The following MTAP variants were observed in gnomAD, a reference collection of about 807,000 sequenced individuals.
MTAP encodes the protein methylthioadenosine phosphorylase.
A neutral mutation model predicts 33.6 loss-of-function variants in MTAP; 33 were observed. The observed-to-expected ratio is 0.98, with a 90% confidence interval of 0.74 to 1.31. MTAP has a LOEUF of 1.31. Among genes scored for constraint, MTAP ranks in the 40% most tolerant of loss-of-function variants. MTAP has a pLI of 0.00. For missense variants in MTAP, 367 were observed against 360.0 expected, an observed-to-expected ratio of 1.02 and a Z score of -0.16; for synonymous variants, 148 against 125.7, an observed-to-expected ratio of 1.18 and a Z score of -1.19.
At chr9:21,882,637 TTAAG>T (rs762973849) in intron 1 of MTAP, among the ~76,000 whole-genome samples, 7 of 152,008 alleles carry the variant, frequency 4.6e-5, no homozygotes, top group South Asian at 2.1e-4. Context: ...TCAAACTTGA[TTAAG>T]TAAACGTTTT....
intron 1 of MTAP, among the ~76,000 whole-genome samples, chr9:21,884,386 A>G (rs931782977): frequency 1.3e-5 from 2 of 152,194 alleles, no homozygotes; most frequent in East Asian, 1.9e-4. Context: ...AAAATCAACA[A>G]AGTAGAGCTT....
intron 1 of MTAP, among the ~76,000 whole-genome samples, chr9:21,884,386 A>C (rs931782977): frequency 6.6e-6 from 1 of 152,194 alleles, no homozygotes; most frequent in Admixed American, 6.5e-5. Context: ...AAAATCAACA[A>C]AGTAGAGCTT....
intron 5 of MTAP, among the ~76,000 whole-genome samples, chr9:21,852,990 T>C (rs1320404636): frequency 1.3e-5 from 2 of 152,200 alleles, no homozygotes; most frequent in East Asian, 1.9e-4. Flanking sequence ...CATCTTAAAC[T>C]CAGACCTGGA....
At chr9:21,837,756 G>A (rs755339446) in intron 4 of MTAP, 152 bp from the exon 5 acceptor site, 40 of 624,418 alleles carry the variant, frequency 6.4e-5, no homozygotes, top group Non-Finnish European at 9.9e-5. Flanking sequence ...TGAAGCTTTT[G>A]TAAACAATTG....
rs766158713 is a variant in MTAP, at chr9:21,854,798, G to A, written c.618G>A (p.Lys206=). 1.2e-6 allele frequency: 2 copies of A among 1,614,150 alleles called. No individual in the cohort carries two copies. The highest frequency in any genetic ancestry group is 1.7e-6 in the Non-Finnish European group (2 of 1,180,004). Residue 206 remains lysine, a synonymous_variant, in exon 6 of 8, where the codon AAG becomes AAA. Coordinates refer to ENST00000644715, the MANE Select transcript of MTAP (RefSeq NM_002451.4). Reference sequence around the variant, plus strand: ...CAGTTCCAGAGGTGGTTCTTGCTAAGGAGGCTGGAATTTGTTACGCAAGTA... The same window carrying A: ...CAGTTCCAGAGGTGGTTCTTGCTAAAGAGGCTGGAATTTGTTACGCAAGTA... ...MTTVPEVVLA[K]EAGICYASIA... is the part of the protein sequence containing the mutation.
chr9:21,860,281 C>T (rs1420996080), intron 7 of MTAP: 2 of 152,190 alleles, frequency 1.3e-5, no homozygotes, highest in African/African-American at 4.8e-5. Context: ...TGCTAATTTA[C>T]GTGGTACAAG....
chr9:21,814,955 T>C (rs1338441464), intron 1 of MTAP, among the ~76,000 whole-genome samples: 2 of 152,210 alleles, frequency 1.3e-5, no homozygotes, highest in African/African-American at 2.4e-5. Flanking sequence ...CTTTATCAAA[T>C]AGAACAGTGA....
intron 1 of MTAP, chr9:21,812,487 A>G (rs1386646534): frequency 6.6e-6 from 1 of 152,466 alleles, no homozygotes; most frequent in Admixed American, 6.5e-5. Flanking sequence ...TGTAATAAAG[A>G]AGTCCTGGCT....
At chr9:21,912,759 C>T (rs1304221874) in intron 1 of MTAP, among the ~76,000 whole-genome samples, 1 of 152,196 alleles carries the variant, frequency 6.6e-6, no homozygotes, top group Non-Finnish European at 1.5e-5. Context: ...TCCTATTCAA[C>T]ATAGTGTTGG....
chr9:21,844,602 C>T (rs182623133), intron 5 of MTAP, among the ~76,000 whole-genome samples: 1 of 152,252 alleles, frequency 6.6e-6, no homozygotes, highest in East Asian at 1.9e-4. Context: ...TGTGATACAT[C>T]ACATAAACAT....
chr9:21,920,131 G>A (rs901694058), intron 1 of MTAP, among the ~76,000 whole-genome samples: 7 of 152,136 alleles, frequency 4.6e-5, no homozygotes, highest in Non-Finnish European at 5.9e-5. Flanking sequence ...AGGAGACTAA[G>A]CTCAAGAGCG....
chr9:21,890,784 C>G (rs953410710), intron 1 of MTAP, among the ~76,000 whole-genome samples: 1 of 152,118 alleles, frequency 6.6e-6, no homozygotes, highest in Admixed American at 6.5e-5. Flanking sequence ...TTGGGCACTC[C>G]CAGTTTTTTG....
At chr9:21,823,544 AT>A (rs1225065137) in intron 4 of MTAP, among the ~76,000 whole-genome samples, 1 of 151,928 alleles carries the variant, frequency 6.6e-6, no homozygotes, top group Non-Finnish European at 1.5e-5. Flanking sequence ...TGTCCTTAAC[AT>A]TTTTTCCTTC....
chr9:21,821,327 A>G (rs1025196030), intron 4 of MTAP, among the ~76,000 whole-genome samples: 1 of 152,230 alleles, frequency 6.6e-6, no homozygotes, highest in South Asian at 2.1e-4. Flanking sequence ...GAGAGTTTTT[A>G]GCATGAAGGG....
At chr9:21,918,074 G>A (rs1818720208) in intron 1 of MTAP, among the ~76,000 whole-genome samples, 3 of 114,430 alleles carry the variant, frequency 2.6e-5, no homozygotes, top group East Asian at 3.1e-4. Flanking sequence ...TTAATGGGCC[G>A]GGCGCGGTGG....
intron 4 of MTAP, among the ~76,000 whole-genome samples, chr9:21,825,896 T>A (rs901398890): frequency 5.9e-5 from 9 of 152,198 alleles, no homozygotes; most frequent in Admixed American, 3.9e-4. Context: ...TGATTAGTGA[T>A]GTTGAGCATT....
chr9:21,817,105 C>T (rs1824495123), intron 3 of MTAP, among the ~76,000 whole-genome samples: 1 of 152,096 alleles, frequency 6.6e-6, no homozygotes, highest in Non-Finnish European at 1.5e-5. Flanking sequence ...CATTAATGAC[C>T]TCTTGCTGGT....
chr9:21,921,298 T>C (rs1198578407), intron 1 of MTAP, among the ~76,000 whole-genome samples: 11 of 152,138 alleles, frequency 7.2e-5, no homozygotes, highest in Admixed American at 7.2e-4. Context: ...GTCTTTTCTC[T>C]TTTGTTCTTA....
chr9:21,818,321 T>G, intron 4 of MTAP, 119 bp downstream of exon 4: 1 of 381,058 alleles, frequency 2.6e-6, no homozygotes. Context: ...CGCTTGCTTT[T>G]TTTTTTTTTT....
Sources: allele counts gnomAD v4.1 joint callset (sites outside exome capture counted in the v4.1 genomes callset), GRCh38; gene constraint gnomAD v4.1.1; transcripts MANE v1.5; gene names NCBI Gene and HGNC (gene_info 2026-07-23, HGNC 2026-07-21).